NKAIN3: variants seen among roughly 807,000 people sequenced by gnomAD.
NKAIN3 encodes sodium/potassium transporting ATPase interacting 3.
A neutral mutation model predicts 30.2 loss-of-function variants in NKAIN3; 25 were observed. That is an observed-to-expected ratio of 0.83 (90% CI 0.60 to 1.16). NKAIN3 has a LOEUF of 1.16. Among genes scored for constraint, NKAIN3 ranks in the 50% most tolerant of loss-of-function variants. NKAIN3 has a pLI of 0.00. For synonymous variants in NKAIN3, 91 were observed against 89.6 expected, an observed-to-expected ratio of 1.02 and a Z score of -0.09; for missense variants, 225 against 254.1, an observed-to-expected ratio of 0.89 and a Z score of 0.78.
chr8:62,809,182 C>G (rs566055390), intron 4 of NKAIN3, among the ~76,000 whole-genome samples: 15 of 152,282 alleles, frequency 9.9e-5, no homozygotes, highest in African/African-American at 3.4e-4. Context: ...TTATCCTGTT[C>G]CTTTTTCAAG....
At position 62,280,513 on chromosome 8, in the gene NKAIN3, C is replaced by G. The variant is rs556303956; in HGVS notation, c.54+31386C>G. ...TCAGTATGATATTGGCTGTGGGTTT[C>G]TCATAAATAGCTCTTATTATTTTGA... On this transcript the variant is annotated intron_variant, in intron 1 of 6. Transcript: ENST00000623646. 9.9e-5 allele frequency among the ~76,000 whole-genome samples: 15 copies of G among 152,052 alleles called. No individual in the cohort carries two copies. In the South Asian group the frequency reaches 1.2e-3, roughly 13 times the overall value.
At position 62,549,846 on chromosome 8, in the gene NKAIN3, T is replaced by C. The variant is rs370366027; in HGVS notation, c.55-29693T>C. 1.3e-4 allele frequency among the ~76,000 whole-genome samples: 19 copies of C among 151,092 alleles called. No individual in the cohort carries two copies. The East Asian group carries it at 2.3e-3, about 19-fold the overall frequency. On this transcript the variant is annotated intron_variant, in intron 1 of 6. Transcript: ENST00000623646. ...ACATGCACGTGCATACCTGAACGTGTATACTGTGCCATTATTCTACACTTT... is the reference window on the plus strand; with the variant it reads ...ACATGCACGTGCATACCTGAACGTGCATACTGTGCCATTATTCTACACTTT...
At chr8:62,853,736 G>T (rs552912289) in intron 4 of NKAIN3, among the ~76,000 whole-genome samples, 72 of 151,884 alleles carry the variant, frequency 4.7e-4, no homozygotes, top group Non-Finnish European at 1.0e-3. Flanking sequence ...GGTTATTTTT[G>T]CTAGCTTTCA....
At chr8:62,834,787 C>T (rs2130750619) in intron 4 of NKAIN3, among the ~76,000 whole-genome samples, 1 of 152,124 alleles carries the variant, frequency 6.6e-6, no homozygotes, top group South Asian at 2.1e-4. Context: ...AATGTTATTC[C>T]TATCAAATTA....
At position 62,705,743 on chromosome 8, in the gene NKAIN3, A is replaced by C. The variant is rs1814498633; in HGVS notation, c.274-41189A>C. 2.0e-5 allele frequency among the ~76,000 whole-genome samples: 3 copies of C among 151,942 alleles called. No individual in the cohort carries two copies. The South Asian group carries it at 6.2e-4, about 31-fold the overall frequency. ...TTTCGCTTGTGCACTTATGTTTCTG[A>C]TATTGAATATATTTTGTTGTTGTTT... On this transcript the variant is annotated intron_variant, in intron 3 of 6. Coordinates refer to ENST00000623646, the MANE Select transcript of NKAIN3 (RefSeq NM_001304533.3).
At chr8:62,768,750 C>T (rs1019359694) in intron 4 of NKAIN3, among the ~76,000 whole-genome samples, 12 of 152,094 alleles carry the variant, frequency 7.9e-5, no homozygotes, top group Non-Finnish European at 1.5e-4. Context: ...TCACTAGTGT[C>T]TTTAAAGAAA....
At position 62,972,376 on chromosome 8, in the gene NKAIN3, G is replaced by T. The variant is rs1585635217; in HGVS notation, c.*6969G>T. On this transcript the variant is annotated 3_prime_UTR_variant, in exon 7 of 7. Coordinates refer to ENST00000623646, the MANE Select transcript of NKAIN3 (RefSeq NM_001304533.3). ...TGTAATTATAAATATGTATATATTGGGGGGCAAAATATGACTTTTTATTTT... is the reference window on the plus strand; with the variant it reads ...TGTAATTATAAATATGTATATATTGTGGGGCAAAATATGACTTTTTATTTT... Among the ~76,000 whole-genome samples the T allele has an allele frequency of 6.6e-6, 1 of 152,108 alleles. No individual in the cohort carries two copies. The highest frequency in any genetic ancestry group is 1.9e-4 in the East Asian group (1 of 5,174).
chr8:62,500,194 G>A (rs1807381739), intron 1 of NKAIN3, among the ~76,000 whole-genome samples: 1 of 151,966 alleles, frequency 6.6e-6, no homozygotes, highest in Admixed American at 6.6e-5. Flanking sequence ...TGCTGTTTCA[G>A]TGCCAGAATG....
At chr8:62,592,977 T>C (rs1285852373) in intron 3 of NKAIN3, among the ~76,000 whole-genome samples, 3 of 152,032 alleles carry the variant, frequency 2.0e-5, no homozygotes. Context: ...AAGGGGGAAA[T>C]TGACAAATCC....
intron 5 of NKAIN3, 67 bp downstream of exon 5, chr8:62,918,580 T>C (rs1586346258): frequency 1.0e-6 from 1 of 1,004,876 alleles, no homozygotes; most frequent in East Asian, 2.4e-5. Flanking sequence ...AAACTAATCA[T>C]TACAGGGCTA....
intron 1 of NKAIN3, among the ~76,000 whole-genome samples, chr8:62,392,791 C>T (rs1331591731): frequency 2.0e-5 from 3 of 151,946 alleles, no homozygotes; most frequent in Non-Finnish European, 2.9e-5. Flanking sequence ...ATGGTCTTGT[C>T]ATTTTTTAAA....
intron 1 of NKAIN3, among the ~76,000 whole-genome samples, chr8:62,302,536 G>T (rs1814083973): frequency 6.6e-6 from 1 of 151,982 alleles, no homozygotes; most frequent in South Asian, 2.1e-4. Context: ...CTTATACTTT[G>T]TTATAGTCAC....
intron 4 of NKAIN3, among the ~76,000 whole-genome samples, chr8:62,798,972 C>A (rs557763461): frequency 1.3e-5 from 2 of 152,180 alleles, no homozygotes; most frequent in South Asian, 2.1e-4. Flanking sequence ...AGGCAGTAAC[C>A]AGATGGGGAC....
In NKAIN3 at chr8:62,976,005, C is replaced by T. The variant is rs1376601386; in HGVS notation, c.*10598C>T. ...TAGTTGTGTGGTTTTGAGTGAGTTTCTTAATCCTGAGTTCTAACTTGATTG... is the reference window on the plus strand; with the variant it reads ...TAGTTGTGTGGTTTTGAGTGAGTTTTTTAATCCTGAGTTCTAACTTGATTG... On this transcript the variant is annotated 3_prime_UTR_variant, in exon 7 of 7. Transcript: ENST00000623646. Among the ~76,000 whole-genome samples the T allele has an allele frequency of 6.6e-6, 1 of 152,148 alleles. No individual in the cohort carries two copies. Among genetic ancestry groups the T allele is most frequent in the Non-Finnish European group, 1.5e-5 (1 of 68,020 alleles).
intron 3 of NKAIN3, among the ~76,000 whole-genome samples, chr8:62,707,385 C>T (rs1426730822): frequency 6.6e-6 from 1 of 152,122 alleles, no homozygotes; most frequent in African/African-American, 2.4e-5. Context: ...CTCACACCAA[C>T]ATCTACTGTT....
chr8:62,339,057 A>G (rs1028590037), intron 1 of NKAIN3, among the ~76,000 whole-genome samples: 1 of 152,002 alleles, frequency 6.6e-6, no homozygotes, highest in Non-Finnish European at 1.5e-5. Context: ...TGGCATTAAG[A>G]AGAATCTAAA....
intron 5 of NKAIN3, chr8:62,990,171 C>A: frequency 7.8e-7 from 1 of 1,279,534 alleles, no homozygotes. Flanking sequence ...TTCTCAGATT[C>A]ATGTGATCTG....
At chr8:62,489,150 G>T (rs1806992344) in intron 1 of NKAIN3, among the ~76,000 whole-genome samples, 1 of 151,554 alleles carries the variant, frequency 6.6e-6, no homozygotes, top group Non-Finnish European at 1.5e-5. Flanking sequence ...CCAAGTAGCT[G>T]GGACTACAGG....
chr8:62,963,395 C>G (rs1331692431), intron 6 of NKAIN3, among the ~76,000 whole-genome samples: 2 of 152,200 alleles, frequency 1.3e-5, no homozygotes, highest in Non-Finnish European at 2.9e-5. Flanking sequence ...TTCACTGCTT[C>G]ACCAATCCAT....
Sources: gnomAD v4.1 joint callset for allele counts (sites outside exome capture counted in the v4.1 genomes callset) on GRCh38, gnomAD v4.1.1 for gene constraint, MANE v1.5 for transcripts, NCBI Gene and HGNC (gene_info 2026-07-23, HGNC 2026-07-21) for gene names.